MAPK10: variants seen among roughly 807,000 people sequenced by gnomAD.
MAPK10 encodes mitogen-activated protein kinase 10.
Under a neutral mutation model 59.3 loss-of-function variants are expected in MAPK10, and 25 were observed. The ratio of observed to expected loss-of-function variants is 0.42; its 90% confidence interval spans 0.31 to 0.59. The LOEUF is 0.59. MAPK10 is among the 20% of genes least tolerant of loss of function. MAPK10 has a pLI of 0.15. For synonymous variants in MAPK10, 190 were observed against 200.5 expected (o/e 0.95, Z 0.44); for missense variants, 351 against 568.9 (o/e 0.62, Z 3.90).
chr4:86,178,449 T>A (rs2149276128), intron 3 of MAPK10, among the ~76,000 whole-genome samples: 1 of 152,174 alleles, frequency 6.6e-6, no homozygotes, highest in South Asian at 2.1e-4. Flanking sequence ...GTAAACAGCA[T>A]GTTTTTTAGG....
chr4:86,440,158 G>C (rs920122404), intron 1 of MAPK10, among the ~76,000 whole-genome samples: 33 of 152,108 alleles, frequency 2.2e-4, no homozygotes, highest in Admixed American at 2.2e-3. Context: ...GGATATACTA[G>C]CTGAATATTT....
intron 2 of MAPK10, among the ~76,000 whole-genome samples, chr4:86,238,409 T>G (rs1409883441): frequency 6.6e-6 from 1 of 152,226 alleles, no homozygotes; most frequent in Non-Finnish European, 1.5e-5. Flanking sequence ...TTGATGGGAA[T>G]AGCATTGAAT....
At chr4:86,483,154 C>T (rs983652115) in intron 1 of MAPK10, among the ~76,000 whole-genome samples, 1 of 152,132 alleles carries the variant, frequency 6.6e-6, no homozygotes, top group Non-Finnish European at 1.5e-5. Flanking sequence ...GAGAAGATGT[C>T]GTCACATTGG....
intron 3 of MAPK10, among the ~76,000 whole-genome samples, chr4:86,168,582 C>T (rs1172774356): frequency 2.0e-5 from 3 of 152,320 alleles, no homozygotes; most frequent in East Asian, 3.9e-4. Context: ...GTGGAGCCCA[C>T]CACAGCTCAA....
chr4:86,350,375 CAGCTAATTTTTTCTATTTTT>C (rs1403629324), intron 2 of MAPK10, among the ~76,000 whole-genome samples: 1 of 152,154 alleles, frequency 6.6e-6, no homozygotes, highest in Non-Finnish European at 1.5e-5. Flanking sequence ...CCACCATGCC[CAGCTAATTTTTTCTATTTTT>C]AGTAGAGATG....
At chr4:86,147,403 A>G (rs2149198533) in intron 4 of MAPK10, among the ~76,000 whole-genome samples, 1 of 152,166 alleles carries the variant, frequency 6.6e-6, no homozygotes, top group South Asian at 2.1e-4. Flanking sequence ...GACAACCACC[A>G]TCATTTGCAT....
At chr4:86,041,302 C>T (rs1210599794) in intron 11 of MAPK10, among the ~76,000 whole-genome samples, 3 of 152,138 alleles carry the variant, frequency 2.0e-5, no homozygotes, top group Non-Finnish European at 4.4e-5. Context: ...AAACCAGACT[C>T]GTTCCTTACA....
intron 11 of MAPK10, among the ~76,000 whole-genome samples, chr4:86,053,956 T>C (rs923772425): frequency 2.0e-5 from 3 of 152,162 alleles, no homozygotes; most frequent in African/African-American, 4.8e-5. Flanking sequence ...ATAATTTCTG[T>C]TCCCTTCCCC....
intron 1 of MAPK10, among the ~76,000 whole-genome samples, chr4:86,487,750 T>A (rs1463032093): frequency 6.8e-6 from 1 of 147,888 alleles, no homozygotes; most frequent in Admixed American, 6.7e-5. Context: ...AAAAAAAAAA[T>A]TGTTAAATCT....
intron 1 of MAPK10, chr4:86,356,940 C>T (rs924089467): frequency 6.6e-6 from 1 of 152,176 alleles, no homozygotes; most frequent in African/African-American, 2.4e-5. Flanking sequence ...GAGGAAGGCA[C>T]TCAGCAGTCC....
chr4:86,579,309 G>A (rs1762103156), intron 1 of MAPK10, among the ~76,000 whole-genome samples: 1 of 151,958 alleles, frequency 6.6e-6, no homozygotes, highest in Non-Finnish European at 1.5e-5. Flanking sequence ...TCTGTTTAAG[G>A]TACTTTTTGT....
rs2059357168 is a variant in MAPK10 at position 86,122,119 on chromosome 4, T to C, written c.237-14767A>G. ...TTAAACATTTTCTAAGATTAGAAAA[T>C]AAAAAAAGTCAGATAGAGCCAAGTG... On this transcript the variant is annotated intron_variant, in intron 4 of 13. Coordinates refer to ENST00000641462, the MANE Select transcript of MAPK10 (RefSeq NM_138982.4). Among the ~76,000 whole-genome samples the C allele has an allele frequency of 2.0e-5, 3 of 151,832 alleles. No individual in the cohort carries two copies. In the South Asian group the frequency reaches 6.2e-4, roughly 32 times the overall value.
At chr4:86,045,654 T>C (rs890624205) in intron 11 of MAPK10, among the ~76,000 whole-genome samples, 4 of 151,978 alleles carry the variant, frequency 2.6e-5, no homozygotes, top group Non-Finnish European at 5.9e-5. Context: ...TAGGATAGCA[T>C]GCATGGTACA....
intron 1 of MAPK10, among the ~76,000 whole-genome samples, chr4:86,573,725 T>A (rs1050298313): frequency 6.6e-6 from 1 of 152,208 alleles, no homozygotes; most frequent in African/African-American, 2.4e-5. Flanking sequence ...ACGTGATATG[T>A]CTCTCCACTT....
At chr4:86,416,033 G>A (rs1745820515) in intron 1 of MAPK10, among the ~76,000 whole-genome samples, 1 of 152,168 alleles carries the variant, frequency 6.6e-6, no homozygotes, top group Admixed American at 6.5e-5. Flanking sequence ...AAATTGAATT[G>A]TGTCTTCCCA....
At chr4:86,320,637 G>A (rs1309129563) in intron 2 of MAPK10, among the ~76,000 whole-genome samples, 1 of 152,134 alleles carries the variant, frequency 6.6e-6, no homozygotes, top group African/African-American at 2.4e-5. Context: ...AGTTTCTTTT[G>A]CTGTGCAGAA....
intron 1 of MAPK10, among the ~76,000 whole-genome samples, chr4:86,414,965 C>G (rs139508236): frequency 6.6e-6 from 1 of 152,100 alleles, no homozygotes; most frequent in Non-Finnish European, 1.5e-5. Context: ...TAGGGATACA[C>G]TGTCTCTACA....
intron 1 of MAPK10, among the ~76,000 whole-genome samples, chr4:86,541,058 G>C (rs1758652813): frequency 6.6e-6 from 1 of 152,166 alleles, no homozygotes; most frequent in Non-Finnish European, 1.5e-5. Context: ...ACCAAGTCAG[G>C]ATTGGGGTGG....
intron 1 of MAPK10, among the ~76,000 whole-genome samples, chr4:86,532,835 C>T (rs1179488888): frequency 3.3e-5 from 5 of 152,234 alleles, no homozygotes; most frequent in Admixed American, 1.3e-4. Flanking sequence ...CCCAGCCTCA[C>T]ACCAGTGGCC....
Sources: gnomAD v4.1 joint callset for allele counts (sites outside exome capture counted in the v4.1 genomes callset) on GRCh38, gnomAD v4.1.1 for gene constraint, MANE v1.5 for transcripts, NCBI Gene and HGNC (gene_info 2026-07-23, HGNC 2026-07-21) for gene names.